The following TRAF3IP2 variants were observed in gnomAD, a reference collection of about 807,000 sequenced individuals.
TRAF3IP2 encodes the protein TRAF3 interacting protein 2, also known as E3 ubiquitin ligase TRAF3IP2.
A neutral mutation model predicts 57.9 loss-of-function variants in TRAF3IP2; 35 were observed. That is an observed-to-expected ratio of 0.60 (90% CI 0.46 to 0.80). TRAF3IP2 has a LOEUF of 0.80. TRAF3IP2 is among the 30% of genes least tolerant of loss of function. The pLI is 0.00. For synonymous variants in TRAF3IP2, 251 were observed against 268.9 expected (o/e 0.93, Z 0.65); for missense variants, 556 against 706.4 (o/e 0.79, Z 2.41).
intron 2 of TRAF3IP2, among the ~76,000 whole-genome samples, chr6:111,586,721 T>G (rs2128380345): frequency 6.6e-6 from 1 of 152,274 alleles, no homozygotes; most frequent in South Asian, 2.1e-4. Context: ...CAAGCATCCC[T>G]TAGGTGAACA....
chr6:111,565,167 T>A (rs1795590671), intron 7 of TRAF3IP2: 1 of 152,186 alleles, frequency 6.6e-6, no homozygotes, highest in Non-Finnish European at 1.5e-5. Context: ...TGGTCTGCAC[T>A]TGGTGGAAAG....
rs143248990 is a variant in TRAF3IP2, at chr6:111,559,411, G to C, written c.1692C>G (p.Pro564=). ...RGPLPTLQVV[P]L is the part of the protein sequence containing the mutation. ...GATCTGGGGATGAACGGTGTCACAAGGGAACCACCTGAAGGGTGGGCAGAG... is the reference window on the plus strand; with the variant it reads ...GATCTGGGGATGAACGGTGTCACAACGGAACCACCTGAAGGGTGGGCAGAG... Residue 564 remains proline (P), a synonymous_variant, in exon 9 of 9, where the codon CCC becomes CCG. Transcript: ENST00000368761. 3 of 1,613,290 alleles carry C rather than the reference G, an allele frequency of 1.9e-6. No individual in the cohort carries two copies. In the African/African-American group the frequency reaches 4.0e-5, roughly 22 times the overall value.
chr6:111,568,829 C>A (rs1795739546), intron 5 of TRAF3IP2, among the ~76,000 whole-genome samples: 1 of 152,208 alleles, frequency 6.6e-6, no homozygotes, highest in South Asian at 2.1e-4. Context: ...AAAGGCACAG[C>A]ACAAACCCCC....
intron 7 of TRAF3IP2, 47 bp from the exon 8 acceptor site, chr6:111,563,086 G>C (rs372172164): frequency 1.4e-6 from 2 of 1,397,190 alleles, no homozygotes; most frequent in Non-Finnish European, 1.0e-6. Context: ...ATGAGGATGA[G>C]GAGTTAATGG....
At position 111,567,692 on chromosome 6, in the gene TRAF3IP2, TCTGC is replaced by T; in HGVS notation, c.1291-4_1291-1del. ...CGGATTCTATCCTCAAATATGTCAA[TCTGC>T]AAAAAAAAAGATGTGGGAGTTGGCC... is the stretch of plus-strand genomic sequence containing the variant. On this transcript the variant is annotated splice_acceptor_variant and splice_polypyrimidine_tract_variant and intron_variant, in intron 5 of 8. Transcript: ENST00000368761. LOFTEE classifies it high-confidence loss of function. 6.3e-7 allele frequency: 1 copy of T among 1,598,798 alleles called. No homozygotes were observed. Among genetic ancestry groups the T allele is most frequent in the Admixed American group, 1.8e-5 (1 of 56,740 alleles).
chr6:111,568,828 G>A (rs961148532), intron 5 of TRAF3IP2, among the ~76,000 whole-genome samples: 4 of 152,096 alleles, frequency 2.6e-5, no homozygotes, highest in Non-Finnish European at 5.9e-5. Flanking sequence ...TAAAGGCACA[G>A]CACAAACCCC....
In TRAF3IP2 at chr6:111,595,633, G is replaced by T. The variant is rs530205793; in HGVS notation, c.-8-3539C>A. On this transcript the variant is annotated intron_variant, in intron 1 of 8. Coordinates refer to ENST00000368761, the MANE Select transcript of TRAF3IP2 (RefSeq NM_147686.4). ...TCGCAAAGTCAGGAGTTCGAGACCA[G>T]CCTGGCCAACATGGTGAAACCCCGC... Among the ~76,000 whole-genome samples, 329 of 152,186 alleles carry T rather than the reference G, an allele frequency of 2.2e-3. 4 individuals carry two copies. The highest frequency in any genetic ancestry group is 6.8e-3 in the Middle Eastern group (2 of 294).
rs973361796 is a variant in TRAF3IP2, at chr6:111,591,854, C to T, written c.233G>A (p.Arg78Gln). ...TTGAGTGCGCAGGCAGGTGACCTGC[C>T]GGGATACAGGCCGCTGGTGATTTGC... ...KLANHQRPVS[R>Q]QVTCLRTQVL... The change falls in exon 2 of 9, where the codon CGG becomes CAG. Residue 78 changes from arginine (R) to glutamine (Q), a missense_variant. By Grantham distance (43) the Arg-to-Gln change is conservative. Around this residue, in one of 2 missense-constraint regions of TRAF3IP2, gnomAD observed 428 missense variants for 498.7 expected, o/e 0.86. Transcript: ENST00000368761. The surrounding 1 kb of genome is among the most constrained non-coding windows in gnomAD (Gnocchi z 4.9). 1.7e-5 allele frequency: 27 copies of T among 1,613,962 alleles called. No individual in the cohort carries two copies. Among genetic ancestry groups the T allele is most frequent in the Admixed American group, 1.2e-4 (7 of 59,988 alleles).
At chr6:111,584,640 AT>A (rs1796273838) in intron 2 of TRAF3IP2, among the ~76,000 whole-genome samples, 1 of 147,930 alleles carries the variant, frequency 6.8e-6, no homozygotes, top group Non-Finnish European at 1.5e-5. Flanking sequence ...CTACAAAAAA[AT>A]ACCAAAAAAA....
intron 6 of TRAF3IP2, chr6:111,566,902 C>T: frequency 2.8e-6 from 1 of 360,540 alleles, no homozygotes; most frequent in East Asian, 7.5e-5. Context: ...GTAAGAAGCA[C>T]CCTCCCTCCC....
chr6:111,561,527 G>A (rs1002869362), intron 8 of TRAF3IP2, among the ~76,000 whole-genome samples: 8 of 152,064 alleles, frequency 5.3e-5, no homozygotes, highest in Middle Eastern at 3.2e-3. Context: ...GGCAAGTTAG[G>A]GAAGGGCATT....
chr6:111,597,234 T>C (rs570581553), intron 1 of TRAF3IP2, among the ~76,000 whole-genome samples: 164 of 152,282 alleles, frequency 1.1e-3, no homozygotes, highest in African/African-American at 3.7e-3. Context: ...GTCTGGGCCA[T>C]GCCCAAAGGT....
chr6:111,595,736 G>A (rs763416660), intron 1 of TRAF3IP2, among the ~76,000 whole-genome samples: 94 of 151,826 alleles, frequency 6.2e-4, no homozygotes, highest in Non-Finnish European at 1.0e-3. Flanking sequence ...GCTGAGGCAG[G>A]AGAATTGCTT....
At chr6:111,563,082 ATGAGGAG>A in intron 7 of TRAF3IP2, 43 bp from the exon 8 acceptor site, 2 of 1,466,664 alleles carry the variant, frequency 1.4e-6, no homozygotes, top group Non-Finnish European at 9.5e-7. Context: ...AGGAATGAGG[ATGAGGAG>A]TTAATGGTAC....
At chr6:111,573,159 C>T (rs1263704503) in intron 4 of TRAF3IP2, among the ~76,000 whole-genome samples, 176 bp from the exon 5 acceptor site, 8 of 152,202 alleles carry the variant, frequency 5.3e-5, no homozygotes, top group African/African-American at 1.9e-4. Flanking sequence ...CACAGCTCCT[C>T]AGGCCCAAAA....
intron 4 of TRAF3IP2, among the ~76,000 whole-genome samples, 170 bp downstream of exon 4, chr6:111,575,473 A>C (rs546035926): frequency 6.6e-6 from 1 of 151,972 alleles, no homozygotes; most frequent in East Asian, 1.9e-4. Flanking sequence ...CTGTAGTCCC[A>C]GCTACTCGGG....
At chr6:111,583,225 G>A (rs1004814022) in intron 2 of TRAF3IP2, among the ~76,000 whole-genome samples, 2 of 152,166 alleles carry the variant, frequency 1.3e-5, no homozygotes, top group African/African-American at 4.8e-5. Context: ...ATGAATGAAG[G>A]CTCAATAGTT....
intron 5 of TRAF3IP2, among the ~76,000 whole-genome samples, chr6:111,569,718 T>C (rs1387067174): frequency 2.6e-5 from 4 of 152,204 alleles, no homozygotes; most frequent in African/African-American, 7.2e-5. Flanking sequence ...ATCGTGCCAC[T>C]GCACCCTAGC....
rs1795248745 is a variant in TRAF3IP2, at chr6:111,556,632, T to C, written c.*2773A>G. On this transcript the variant is annotated 3_prime_UTR_variant, in exon 9 of 9. Transcript: ENST00000368761. ...TCAAAACTACGGAACTAATGTTACA[T>C]GTCAGAAAGTCTTACAAATGAGTAC... 1 of 152,244 alleles carries C rather than the reference T, an allele frequency of 6.6e-6. No individual in the cohort carries two copies. Among genetic ancestry groups the C allele is most frequent in the South Asian group, 2.1e-4 (1 of 4,836 alleles). The allele number at this position is 152,244 out of a possible 1,614,324, so 9.4% of individuals were successfully genotyped here. A position where few individuals can be genotyped will look rare whatever the true frequency, so the allele number is the denominator to read the frequency against.
Sources: allele counts gnomAD v4.1 joint callset (sites outside exome capture counted in the v4.1 genomes callset), GRCh38; gene constraint gnomAD v4.1.1; regional missense constraint gnomAD v4.1.1; non-coding constraint Gnocchi (gnomAD v3.1); transcripts MANE v1.5; gene names NCBI Gene and HGNC (gene_info 2026-07-23, HGNC 2026-07-21).